The following SLC9A9 variants were observed in gnomAD, a reference collection of about 807,000 sequenced individuals.
SLC9A9 encodes the protein sodium/hydrogen exchanger 9.
Under a neutral mutation model 77.8 loss-of-function variants are expected in SLC9A9, and 62 were observed. The ratio of observed to expected loss-of-function variants is 0.80; its 90% confidence interval spans 0.65 to 0.98. The LOEUF is 0.98. SLC9A9 is among the 50% of genes least tolerant of loss of function. The pLI, the probability that SLC9A9 is intolerant of heterozygous loss-of-function variation, is 0.00. For missense variants in SLC9A9, 775 were observed against 774.9 expected, an observed-to-expected ratio of 1.00 and a Z score of 0.00; for synonymous variants, 320 against 283.5, an observed-to-expected ratio of 1.13 and a Z score of -1.29.
At chr3:143,398,235 A>G (rs1267152875) in intron 12 of SLC9A9, among the ~76,000 whole-genome samples, 2 of 152,214 alleles carry the variant, frequency 1.3e-5, no homozygotes. Flanking sequence ...TTAGCACAGG[A>G]TAAAGCTCTT....
At chr3:143,671,989 C>T (rs1430095121) in intron 5 of SLC9A9, among the ~76,000 whole-genome samples, 1 of 152,178 alleles carries the variant, frequency 6.6e-6, no homozygotes, top group Non-Finnish European at 1.5e-5. Context: ...GTAGAGTCAT[C>T]CAACTTTCTT....
chr3:143,331,765 G>A (rs1487756864), intron 14 of SLC9A9, among the ~76,000 whole-genome samples: 27 of 152,160 alleles, frequency 1.8e-4, no homozygotes, highest in Admixed American at 1.8e-3. Flanking sequence ...GAGCATCAAT[G>A]ATGTGCATTG....
rs190006057 is a variant in SLC9A9, at chr3:143,496,821, A to G, written c.1090-1373T>C. ...CCTCAGGCTGGTGAAATGAAATACC[A>G]TATACTGAATGGCTTAAACAACAGA... On this transcript the variant is annotated intron_variant, in intron 9 of 15. Transcript: ENST00000316549. Among the ~76,000 whole-genome samples the G allele has an allele frequency of 2.9e-4, 44 of 152,322 alleles. No homozygotes were observed. The East Asian group carries it at 5.2e-3, about 18-fold the overall frequency.
intron 4 of SLC9A9, among the ~76,000 whole-genome samples, chr3:143,694,030 G>C (rs1933557187): frequency 1.3e-5 from 2 of 152,094 alleles, no homozygotes; most frequent in Non-Finnish European, 2.9e-5. Context: ...TTAACTGACT[G>C]ATTGATTTTG....
chr3:143,532,843 T>C (rs1290742540), intron 9 of SLC9A9, among the ~76,000 whole-genome samples: 1 of 152,232 alleles, frequency 6.6e-6, no homozygotes, highest in African/African-American at 2.4e-5. Context: ...ATCTCCCCTG[T>C]GATGAGGCCT....
chr3:143,300,158 T>C (rs2030459130), intron 14 of SLC9A9, among the ~76,000 whole-genome samples: 1 of 152,136 alleles, frequency 6.6e-6, no homozygotes, highest in Non-Finnish European at 1.5e-5. Context: ...GAAGCATTAG[T>C]GTAAGTCCTC....
At chr3:143,430,767 G>A (rs1190276842) in intron 12 of SLC9A9, among the ~76,000 whole-genome samples, 1 of 152,244 alleles carries the variant, frequency 6.6e-6, no homozygotes, top group Non-Finnish European at 1.5e-5. Flanking sequence ...CCACCTTCCA[G>A]GTGGGCATGG....
chr3:143,639,964 C>A (rs1337309306), intron 6 of SLC9A9, among the ~76,000 whole-genome samples: 1 of 151,824 alleles, frequency 6.6e-6, no homozygotes, highest in African/African-American at 2.4e-5. Context: ...AATGAAATGA[C>A]CATACCAGCA....
At chr3:143,426,305 G>A (rs1253470885) in intron 12 of SLC9A9, among the ~76,000 whole-genome samples, 1 of 152,108 alleles carries the variant, frequency 6.6e-6, no homozygotes, top group Non-Finnish European at 1.5e-5. Context: ...TTACTTTCAA[G>A]GATACGAACT....
intron 4 of SLC9A9, among the ~76,000 whole-genome samples, chr3:143,739,179 C>A (rs906817350): frequency 3.3e-5 from 5 of 152,016 alleles, no homozygotes; most frequent in Non-Finnish European, 7.4e-5. Flanking sequence ...TGGGGCCCAG[C>A]GAGTCACCTC....
At chr3:143,724,061 C>A (rs1934574764) in intron 4 of SLC9A9, among the ~76,000 whole-genome samples, 1 of 152,168 alleles carries the variant, frequency 6.6e-6, no homozygotes, top group Admixed American at 6.5e-5. Context: ...TTGAAGCCCA[C>A]TGCAGCGATT....
At chr3:143,442,808 T>C (rs889881059) in intron 12 of SLC9A9, among the ~76,000 whole-genome samples, 1 of 152,168 alleles carries the variant, frequency 6.6e-6, no homozygotes, top group Non-Finnish European at 1.5e-5. Context: ...GTTCAGTTAG[T>C]AGAGACGAAC....
In SLC9A9 at chr3:143,349,907, A is replaced by G. The variant is rs114141073; in HGVS notation, c.1604+13577T>C. Among the ~76,000 whole-genome samples, 1,135 of 152,272 alleles carry G rather than the reference A, an allele frequency of 7.5e-3. 16 individuals carry two copies. Among genetic ancestry groups the G allele is most frequent in the African/African-American group, 0.026 (1,082 of 41,540 alleles). ...CTATGAGAGAGCCACTCAGAGAAAA[A>G]CAAGTTCACTCAGAGGTTTAGAGAA... On this transcript the variant is annotated intron_variant, in intron 14 of 15. Coordinates refer to ENST00000316549, the MANE Select transcript of SLC9A9 (RefSeq NM_173653.4).
At chr3:143,696,382 A>G (rs1560036381) in intron 4 of SLC9A9, among the ~76,000 whole-genome samples, 2 of 152,228 alleles carry the variant, frequency 1.3e-5, no homozygotes, top group Admixed American at 1.3e-4. Flanking sequence ...GGCACAAATT[A>G]TATCAGTGAA....
intron 6 of SLC9A9, among the ~76,000 whole-genome samples, chr3:143,646,169 T>C (rs367880454): frequency 8.6e-5 from 13 of 151,972 alleles, no homozygotes; most frequent in East Asian, 3.9e-4. Context: ...TTGGTAAATA[T>C]ATGCAAGCCA....
chr3:143,606,671 G>A (rs1383988379), intron 6 of SLC9A9, among the ~76,000 whole-genome samples: 1 of 151,466 alleles, frequency 6.6e-6, no homozygotes, highest in Non-Finnish European at 1.5e-5. Context: ...AAAATCTAGA[G>A]TGTAAACCAT....
At chr3:143,382,914 T>C (rs905875210) in intron 12 of SLC9A9, among the ~76,000 whole-genome samples, 10 of 152,150 alleles carry the variant, frequency 6.6e-5, no homozygotes, top group African/African-American at 1.7e-4. Context: ...CTGATCAAAA[T>C]TGTTGATAGT....
Position 143,807,452 on chromosome 3 carries a change from G to T in SLC9A9, c.379-10549C>A, listed in dbSNP as rs527647929. On this transcript the variant is annotated intron_variant, in intron 2 of 15. Transcript: ENST00000316549. ...CTGGCTTTTAATATATGAAAACTGA[G>T]GCACTAAGGAGAAAAACAAACCATT... is the stretch of plus-strand genomic sequence containing the variant. Among the ~76,000 whole-genome samples the T allele has an allele frequency of 4.3e-4, 65 of 151,696 alleles. No homozygotes were observed. In the South Asian group the frequency reaches 5.0e-3, roughly 12 times the overall value.
chr3:143,286,309 G>A (rs1938380722), intron 14 of SLC9A9, among the ~76,000 whole-genome samples: 1 of 152,162 alleles, frequency 6.6e-6, no homozygotes, highest in Non-Finnish European at 1.5e-5. Context: ...GGACCTACTT[G>A]AGAGCTTTGG....
Sources: allele counts gnomAD v4.1 joint callset (sites outside exome capture counted in the v4.1 genomes callset), GRCh38; gene constraint gnomAD v4.1.1; transcripts MANE v1.5; gene names NCBI Gene and HGNC (gene_info 2026-07-23, HGNC 2026-07-21).